The following ZNF213 variants were observed in gnomAD, a reference collection of about 807,000 sequenced individuals.
ZNF213 encodes the protein putative transcription factor CR53.
A neutral mutation model predicts 46.0 loss-of-function variants in ZNF213; 32 were observed. The observed-to-expected ratio is 0.70, with a 90% CI of 0.52 to 0.93. The LOEUF (loss-of-function observed/expected upper bound fraction) is 0.93. ZNF213 is among the 40% of genes least tolerant of loss of function. The pLI, the probability that ZNF213 is intolerant of heterozygous loss-of-function variation, is 0.00. For missense variants in ZNF213, 639 were observed against 652.8 expected, an observed-to-expected ratio of 0.98 and a Z score of 0.23; for synonymous variants, 297 against 271.0, an observed-to-expected ratio of 1.10 and a Z score of -0.94.
At position 3,139,035 on chromosome 16, in the gene ZNF213, G is replaced by A; in HGVS notation, c.658G>A (p.Asp220Asn). The change falls in exon 5 of 6, where the codon GAC becomes AAC. Residue 220 changes from aspartate to asparagine, a missense_variant. Asp to Asn is a conservative substitution (Grantham distance 23). Transcript: ENST00000396878. The part of the protein sequence containing the change: ...YFSREEWGTL[D>N]PAQRDLFWDI... ...CTCCCGGGAAGAATGGGGCACCCTG[G>A]ACCCTGCTCAGCGGGATCTCTTCTG... The A allele has an allele frequency of 1.2e-6, 2 of 1,614,156 alleles. No homozygotes were observed. The highest frequency in any genetic ancestry group is 1.7e-6 in the Non-Finnish European group (2 of 1,180,016).
At position 3,141,066 on chromosome 16, in the gene ZNF213, C is replaced by T; in HGVS notation, c.1099C>T (p.His367Tyr). The T allele has an allele frequency of 6.2e-7, 1 of 1,613,264 alleles. No homozygotes were observed. The highest frequency in any genetic ancestry group is 1.1e-5 in the South Asian group (1 of 91,072). ...SSDLVRHQGVHTGEKPFSCSE... is the reference protein window; with the variant it reads ...SSDLVRHQGVYTGEKPFSCSE... ...GGACCTGGTGCGCCACCAAGGCGTG[C>T]ACACGGGCGAGAAGCCCTTCTCCTG... Residue 367 changes from histidine to tyrosine, a missense_variant, in exon 6 of 6, where the codon CAC becomes TAC. Transcript: ENST00000396878.
intron 1 of ZNF213, among the ~76,000 whole-genome samples, chr16:3,136,869 A>C (rs1316155031): frequency 6.6e-6 from 1 of 152,214 alleles, no homozygotes; most frequent in Non-Finnish European, 1.5e-5. Context: ...TTAGTGGAAT[A>C]AATTGAGATT....
At position 3,139,004 on chromosome 16, in the gene ZNF213, C is replaced by A. The variant is rs149909206; in HGVS notation, c.627C>A (p.Phe209Leu). 2 of 1,614,084 alleles carry A rather than the reference C, an allele frequency of 1.2e-6. No homozygotes were observed. Among genetic ancestry groups the A allele is most frequent in the African/African-American group, 2.7e-5 (2 of 74,932 alleles). The change falls in exon 5 of 6, where the codon TTC (phenylalanine) becomes TTA (leucine). Residue 209 changes from phenylalanine to leucine, a missense_variant. Physicochemically the swap from Phe to Leu is conservative, Grantham distance 22 (BLOSUM62 0). Transcript: ENST00000396878. ...CTGTGGCATTGGGAGACATCCCATT[C>A]TATTTCTCCCGGGAAGAATGGGGCA... ...HGPVALGDIPFYFSREEWGTL... is the reference protein window; with the variant it reads ...HGPVALGDIPLYFSREEWGTL...
chr16:3,137,853 C>A, intron 2 of ZNF213, 174 bp downstream of exon 2: 3 of 786,540 alleles, frequency 3.8e-6, no homozygotes, highest in Non-Finnish European at 6.0e-6. Context: ...AGATGCGATC[C>A]AAAGTAAATG....
In ZNF213 at chr16:3,142,387, C is replaced by T; in HGVS notation, c.*1040C>T. 5.9e-6 allele frequency: 1 copy of T among 169,494 alleles called. No homozygotes were observed. The highest frequency in any genetic ancestry group is 7.7e-5 in the South Asian group (1 of 12,904). 10.5% of individuals were successfully genotyped at this position (169,494 alleles called of 1,614,324 possible). A position where few individuals can be genotyped will look rare whatever the true frequency, so the allele number is the denominator to read the frequency against. On this transcript the variant is annotated 3_prime_UTR_variant, in exon 6 of 6. Coordinates refer to ENST00000396878, the MANE Select transcript of ZNF213 (RefSeq NM_004220.3). Reference sequence around the variant, plus strand: ...GACCCGCTCCTTTGACATTGGTGCCCCACTCCATCAGCACTAACGCCCTGC... The same window carrying T: ...GACCCGCTCCTTTGACATTGGTGCCTCACTCCATCAGCACTAACGCCCTGC...
At position 3,135,030 on chromosome 16, in the gene ZNF213, A is replaced by G. The variant is rs1193274279; in HGVS notation, c.-473A>G. 1.4e-5 allele frequency: 2 copies of G among 147,174 alleles called. No individual in the cohort carries two copies. The allele number at this position is 147,174 out of a possible 1,614,324, so 9.1% of individuals were successfully genotyped here. A position where few individuals can be genotyped will look rare whatever the true frequency, so the allele number is the denominator to read the frequency against. ...GCGTAGTTTCCCAGCGAGCCCCGCG[A>G]GGACTTCCGGCGCCGGGAGCTCGCG... On this transcript the variant is annotated 5_prime_UTR_variant, in exon 1 of 6. Coordinates refer to ENST00000396878, the MANE Select transcript of ZNF213 (RefSeq NM_004220.3).
intron 1 of ZNF213, among the ~76,000 whole-genome samples, chr16:3,135,952 C>T (rs1226531374): frequency 1.3e-5 from 2 of 150,802 alleles, no homozygotes. Flanking sequence ...AATCTTTCCT[C>T]CTCAGCCTCC....
chr16:3,135,727 G>T (rs1319952998), intron 1 of ZNF213, among the ~76,000 whole-genome samples: 1 of 152,036 alleles, frequency 6.6e-6, no homozygotes, highest in African/African-American at 2.4e-5. Flanking sequence ...AAGTCGGGGG[G>T]TACAATGGTA....
chr16:3,141,079 A>G lies in ZNF213; in HGVS notation c.1112A>G (p.Lys371Arg). The change falls in exon 6 of 6, where the codon AAG becomes AGG. Residue 371 changes from lysine to arginine, a missense_variant. By Grantham distance (26) the Lys-to-Arg change is conservative. Coordinates refer to ENST00000396878, the MANE Select transcript of ZNF213 (RefSeq NM_004220.3). ...CACCAAGGCGTGCACACGGGCGAGAAGCCCTTCTCCTGTTCCGAGTGCGGC... is the reference window on the plus strand; with the variant it reads ...CACCAAGGCGTGCACACGGGCGAGAGGCCCTTCTCCTGTTCCGAGTGCGGC... ...VRHQGVHTGE[K>R]PFSCSECGKS... 6.2e-7 allele frequency: 1 copy of G among 1,613,260 alleles called. No homozygotes were observed. The highest frequency in any genetic ancestry group is 8.5e-7 in the Non-Finnish European group (1 of 1,179,826).
chr16:3,136,786 A>G (rs1957543329), intron 1 of ZNF213, among the ~76,000 whole-genome samples: 1 of 152,224 alleles, frequency 6.6e-6, no homozygotes, highest in African/African-American at 2.4e-5. Context: ...ACGAGTGGGT[A>G]TAGCTCAATG....
At chr16:3,138,103 G>A (rs985783527) in intron 2 of ZNF213, 12 of 485,746 alleles carry the variant, frequency 2.5e-5, no homozygotes, top group Non-Finnish European at 4.0e-5. Context: ...TGCATCTGGG[G>A]AGGTTCTAAT....
At chr16:3,138,087 A>C (rs925140528) in intron 2 of ZNF213, 6 of 462,132 alleles carry the variant, frequency 1.3e-5, no homozygotes, top group African/African-American at 1.2e-4. Flanking sequence ...GGTCCTTCAC[A>C]TTGGATGCAT....
rs1452800830 is a variant in ZNF213, at chr16:3,141,206, C to T, written c.1239C>T (p.Arg413=). 1 of 1,612,548 alleles carries T rather than the reference C, an allele frequency of 6.2e-7. No homozygotes were observed. Among genetic ancestry groups the T allele is most frequent in the Non-Finnish European group, 8.5e-7 (1 of 1,179,950 alleles). Residue 413 remains arginine, a synonymous_variant, in exon 6 of 6, where the codon CGC becomes CGT. Transcript: ENST00000396878. ...ACTGCGGCAAGAGCTTCTCGCTGCG[C>T]TCCTACCTGCTGGACCATCGGCGTG... ...CSDCGKSFSL[R]SYLLDHRRVH...
Position 3,137,622 on chromosome 16 carries a change from G to C in ZNF213, c.342G>C (p.Glu114Asp). The change falls in exon 2 of 6, where the codon GAG (glutamate) becomes GAC (aspartate). Residue 114 changes from glutamate (E) to aspartate (D), a missense_variant. Physicochemically the swap from Glu to Asp is conservative, Grantham distance 45. Coordinates refer to ENST00000396878, the MANE Select transcript of ZNF213 (RefSeq NM_004220.3). ...WVREQHPGSG[E>D]EAVALVEDLQ... ...GTGAGCAGCACCCGGGAAGCGGTGA[G>C]GAGGCTGTCGCCTTGGTGGAGGACC... The C allele has an allele frequency of 6.2e-7, 1 of 1,613,950 alleles. No individual in the cohort carries two copies. Among genetic ancestry groups the C allele is most frequent in the Non-Finnish European group, 8.5e-7 (1 of 1,180,036 alleles).
intron 1 of ZNF213, among the ~76,000 whole-genome samples, chr16:3,135,904 T>TCATAG (rs1367132725): frequency 6.6e-6 from 1 of 150,382 alleles, no homozygotes; most frequent in Non-Finnish European, 1.5e-5. Context: ...AGTGGTGCGA[T>TCATAG]CATAGCTCAT....
rs1306572292 is a variant in ZNF213, at chr16:3,138,523, G to C, written c.505G>C (p.Glu169Gln). 7 of 1,613,970 alleles carry C rather than the reference G, an allele frequency of 4.3e-6. No homozygotes were observed. The highest frequency in any genetic ancestry group is 5.1e-6 in the Non-Finnish European group (6 of 1,180,014). ...ACGGAGGCGGCCGTCTGTTCCCCAG[G>C]AGCAGCACAGCCATAGCGGTGAGTA... The part of the protein sequence containing the change: ...GARRRPSVPQ[E>Q]QHSHSAQPPA... The change falls in exon 3 of 6, where the codon GAG (glutamate) becomes CAG (glutamine). Residue 169 changes from glutamate to glutamine, a missense_variant. Physicochemically the swap from Glu to Gln is conservative, Grantham distance 29. Transcript: ENST00000396878.
Position 3,137,595 on chromosome 16 carries a change from G to C in ZNF213, c.315G>C (p.Val105=), listed in dbSNP as rs763958132. ...TVLPGEIQGW[V]REQHPGSGEE... is the part of the protein sequence containing the mutation. ...TGCCAGGGGAGATCCAGGGCTGGGT[G>C]CGTGAGCAGCACCCGGGAAGCGGTG... The change falls in exon 2 of 6, where the codon GTG becomes GTC. Residue 105 remains valine, a synonymous_variant. Coordinates refer to ENST00000396878, the MANE Select transcript of ZNF213 (RefSeq NM_004220.3). The C allele has an allele frequency of 2.5e-6, 4 of 1,614,040 alleles. No homozygotes were observed. The South Asian group carries it at 4.4e-5, about 18-fold the overall frequency.
rs1188874443 is a variant in ZNF213, at chr16:3,137,163, C to T, written c.-115-3C>T. 7.2e-7 allele frequency: 1 copy of T among 1,385,828 alleles called. No homozygotes were observed. The highest frequency in any genetic ancestry group is 1.4e-5 in the African/African-American group (1 of 69,428). 85.8% of individuals were successfully genotyped at this position (1,385,828 alleles called of 1,614,324 possible). On this transcript the variant is annotated splice_polypyrimidine_tract_variant and splice_region_variant and intron_variant, in intron 1 of 5. Transcript: ENST00000396878. Reference sequence around the variant, plus strand: ...CAGTCCTGCCATTTTGCTCTTTCCCCAGGAGTACACATCCAGATGCCAGCC... The same window carrying T: ...CAGTCCTGCCATTTTGCTCTTTCCCTAGGAGTACACATCCAGATGCCAGCC...
At chr16:3,137,772 C>T (rs746711383) in intron 2 of ZNF213, 93 bp downstream of exon 2, 21 of 1,484,590 alleles carry the variant, frequency 1.4e-5, no homozygotes, top group Middle Eastern at 1.7e-4. Flanking sequence ...CAGAGGCTCA[C>T]AGGGTAGGGG....
Sources: gnomAD v4.1 joint callset for allele counts (sites outside exome capture counted in the v4.1 genomes callset) on GRCh38, gnomAD v4.1.1 for gene constraint, MANE v1.5 for transcripts, NCBI Gene and HGNC (gene_info 2026-07-23, HGNC 2026-07-21) for gene names.